The following PHF21A variants were observed in gnomAD, a reference collection of about 807,000 sequenced individuals.
PHF21A encodes PHD finger protein 21A, also known as BHC80a.
PHF21A carries 11 observed loss-of-function variants against 82.5 expected under a neutral mutation model. The ratio of observed to expected loss-of-function variants is 0.13; its 90% CI spans 0.08 to 0.22. PHF21A has a LOEUF of 0.22. PHF21A is among the 10% of genes least tolerant of loss of function. The pLI is 1.00. For synonymous variants in PHF21A, 297 were observed against 302.8 expected (o/e 0.98, Z 0.20); for missense variants, 579 against 837.8 (o/e 0.69, Z 3.81).
intron 11 of PHF21A, among the ~76,000 whole-genome samples, chr11:45,951,739 T>C (rs895147008): frequency 1.3e-5 from 2 of 152,116 alleles, no homozygotes; most frequent in African/African-American, 4.8e-5. Context: ...ACCCAAATCA[T>C]CTTTGCCAGT....
At position 46,087,074 on chromosome 11, in the gene PHF21A, C is replaced by T. The variant is rs566674592; in HGVS notation, c.-83-2772G>A. Among the ~76,000 whole-genome samples the T allele has an allele frequency of 1.6e-4, 24 of 152,284 alleles. No homozygotes were observed. In the South Asian group the frequency reaches 4.1e-3, roughly 26 times the overall value. ...CTAGAATTTGTGTCAGGTGCCACTT[C>T]GCAATTTGCTGATGGTTATCTCTAG... is the stretch of plus-strand genomic sequence containing the variant. On this transcript the variant is annotated intron_variant, in intron 3 of 18. Transcript: ENST00000676320.
At chr11:46,066,718 A>G (rs2096598465) in intron 6 of PHF21A, among the ~76,000 whole-genome samples, 1 of 152,092 alleles carries the variant, frequency 6.6e-6, no homozygotes, top group Admixed American at 6.6e-5. Context: ...TAAACAAACA[A>G]AATAAAAATA....
intron 6 of PHF21A, among the ~76,000 whole-genome samples, chr11:45,992,456 C>A (rs1021253218): frequency 9.2e-5 from 14 of 152,026 alleles, no homozygotes; most frequent in African/African-American, 2.9e-4. Context: ...AGGAGAATGG[C>A]GTGAACCCAG....
chr11:46,092,862 A>G (rs2096942473), intron 1 of PHF21A, among the ~76,000 whole-genome samples: 1 of 151,354 alleles, frequency 6.6e-6, no homozygotes, highest in South Asian at 2.1e-4. Flanking sequence ...GGCTCAAGCA[A>G]TCCTCCCACC....
At chr11:46,097,066 C>T (rs963039937) in intron 1 of PHF21A, among the ~76,000 whole-genome samples, 1 of 152,072 alleles carries the variant, frequency 6.6e-6, no homozygotes, top group African/African-American at 2.4e-5. Flanking sequence ...CCACCATGAC[C>T]CCCTTGCCTC....
intron 10 of PHF21A, among the ~76,000 whole-genome samples, chr11:45,962,543 G>A (rs1015792526): frequency 6.6e-6 from 1 of 152,028 alleles, no homozygotes; most frequent in Non-Finnish European, 1.5e-5. Flanking sequence ...ATTATGCCAG[G>A]CTGCCCAGCA....
chr11:46,070,768 A>G (rs777574822), intron 6 of PHF21A, among the ~76,000 whole-genome samples: 21 of 152,252 alleles, frequency 1.4e-4, no homozygotes, highest in Non-Finnish European at 2.8e-4. Context: ...TTTAAAACCA[A>G]AAGATAATTT....
chr11:46,023,560 T>C (rs1025254222), intron 6 of PHF21A, among the ~76,000 whole-genome samples: 8 of 152,134 alleles, frequency 5.3e-5, no homozygotes, highest in Admixed American at 3.3e-4. Flanking sequence ...GGTGTGTTCC[T>C]GAAAAAGAGG....
At chr11:46,049,570 A>C in intron 6 of PHF21A, 1 of 444,810 alleles carries the variant, frequency 2.2e-6, no homozygotes. Flanking sequence ...GGATAGAAAG[A>C]GGATAGGAGA....
chr11:46,003,768 T>C (rs1034452164), intron 6 of PHF21A, among the ~76,000 whole-genome samples: 3 of 152,234 alleles, frequency 2.0e-5, no homozygotes, highest in Admixed American at 1.3e-4. Context: ...CCCACACAAG[T>C]GCTTTTAAAA....
chr11:46,087,484 G>A (rs1425034570), intron 3 of PHF21A, among the ~76,000 whole-genome samples: 1 of 152,098 alleles, frequency 6.6e-6, no homozygotes, highest in Non-Finnish European at 1.5e-5. Context: ...AACTAAAAGG[G>A]TTAAAAAAGT....
chr11:46,031,627 T>C (rs1393098756), intron 6 of PHF21A, among the ~76,000 whole-genome samples: 1 of 152,214 alleles, frequency 6.6e-6, no homozygotes, highest in Admixed American at 6.5e-5. Context: ...GTAATTTACA[T>C]TGTTTAGTTA....
intron 18 of PHF21A, chr11:45,935,074 T>C (rs2088537319): frequency 2.3e-6 from 3 of 1,276,664 alleles, no homozygotes; most frequent in Non-Finnish European, 3.1e-6. Context: ...CTGCTGCAAA[T>C]ACAACCCTCT....
chr11:45,943,062 G>A (rs971451209), intron 15 of PHF21A, among the ~76,000 whole-genome samples: 22 of 150,346 alleles, frequency 1.5e-4, no homozygotes, highest in African/African-American at 4.9e-4. Flanking sequence ...ATATGCAGAC[G>A]TGATCACTTT....
chr11:46,003,741 A>G (rs2095218341), intron 6 of PHF21A, among the ~76,000 whole-genome samples: 1 of 152,230 alleles, frequency 6.6e-6, no homozygotes, highest in South Asian at 2.1e-4. Flanking sequence ...AAGTACTGGC[A>G]AGGCCTTGCA....
At chr11:45,938,421 G>A (rs939450703) in intron 15 of PHF21A, 109 bp from the exon 16 acceptor site, 70 of 813,136 alleles carry the variant, frequency 8.6e-5, no homozygotes, top group Middle Eastern at 4.6e-4. Flanking sequence ...CAGCTGCCTC[G>A]TTCCAGGAGT....
At chr11:46,027,910 T>A (rs2095784838) in intron 6 of PHF21A, among the ~76,000 whole-genome samples, 1 of 152,208 alleles carries the variant, frequency 6.6e-6, no homozygotes, top group Admixed American at 6.5e-5. Context: ...TCAGTCCCTA[T>A]CCATGACATA....
intron 6 of PHF21A, among the ~76,000 whole-genome samples, chr11:46,050,364 G>A (rs918891922): frequency 6.6e-6 from 1 of 152,222 alleles, no homozygotes; most frequent in Non-Finnish European, 1.5e-5. Context: ...ACTGAGTGGT[G>A]TGCTGATCAG....
intron 7 of PHF21A, among the ~76,000 whole-genome samples, chr11:45,974,489 T>G (rs545839497): frequency 6.6e-6 from 1 of 152,022 alleles, no homozygotes; most frequent in South Asian, 2.1e-4. Context: ...GGTCTTGCTC[T>G]GTCACCCAGG....
Sources: gnomAD v4.1 joint callset for allele counts (sites outside exome capture counted in the v4.1 genomes callset) on GRCh38, gnomAD v4.1.1 for gene constraint, MANE v1.5 for transcripts, NCBI Gene and HGNC (gene_info 2026-07-23, HGNC 2026-07-21) for gene names.